The following MRPS27 variants were observed in gnomAD, a reference collection of about 807,000 sequenced individuals.
MRPS27 encodes the protein mitochondrial ribosomal protein S27.
MRPS27 carries 43 observed loss-of-function variants against 48.9 expected under a neutral mutation model. That is an observed-to-expected ratio of 0.88 (90% CI 0.69 to 1.13). The LOEUF is 1.13. Ranked by LOEUF, MRPS27 falls within the 50% of genes most tolerant of loss-of-function variation. The pLI, the probability that MRPS27 is intolerant of heterozygous loss-of-function variation, is 0.00. For missense variants in MRPS27, 467 were observed against 476.3 expected (o/e 0.98, Z 0.18); for synonymous variants, 188 against 171.9 (o/e 1.09, Z -0.73).
chr5:72,234,511 C>T (rs1748151285), intron 5 of MRPS27, among the ~76,000 whole-genome samples: 2 of 151,954 alleles, frequency 1.3e-5, no homozygotes, highest in Non-Finnish European at 2.9e-5. Context: ...AAGAAACCCA[C>T]ACAACCCCCC....
chr5:72,296,627 C>T (rs550531629), intron 3 of MRPS27, among the ~76,000 whole-genome samples: 46 of 152,168 alleles, frequency 3.0e-4, no homozygotes, highest in African/African-American at 1.1e-3. Flanking sequence ...ATGTAAGGGA[C>T]GAAAAATGGC....
intron 4 of MRPS27, among the ~76,000 whole-genome samples, chr5:72,274,157 C>G (rs1435891152): frequency 1.3e-5 from 2 of 152,092 alleles, no homozygotes; most frequent in Non-Finnish European, 2.9e-5. Flanking sequence ...AGTTCGAGAC[C>G]AGTCTGGTCA....
At chr5:72,230,649 T>C (rs921250538) in intron 7 of MRPS27, among the ~76,000 whole-genome samples, 10 of 152,162 alleles carry the variant, frequency 6.6e-5, no homozygotes, top group Non-Finnish European at 1.0e-4. Flanking sequence ...GTCTCCACAA[T>C]TGTATCTCCA....
At chr5:72,258,351 A>C (rs6453523) in intron 4 of MRPS27, among the ~76,000 whole-genome samples, 103,223 of 151,938 alleles carry the variant, frequency 0.68, 36,357 homozygotes, top group African/African-American at 0.87. Flanking sequence ...CAAAGAGAGA[A>C]AACAAATTTT....
intron 4 of MRPS27, among the ~76,000 whole-genome samples, chr5:72,258,895 G>A (rs568920529): frequency 6.6e-4 from 100 of 152,240 alleles, no homozygotes; most frequent in African/African-American, 2.3e-3. Flanking sequence ...AGTCTCCAGC[G>A]TAAACATCTC....
At chr5:72,252,752 T>C (rs1391949582) in intron 4 of MRPS27, among the ~76,000 whole-genome samples, 1 of 152,198 alleles carries the variant, frequency 6.6e-6, no homozygotes, top group African/African-American at 2.4e-5. Context: ...ATGAGAGGAA[T>C]GTAGAAATGA....
At chr5:72,314,730 CTT>C (rs1750524687) in intron 1 of MRPS27, 1 of 152,250 alleles carries the variant, frequency 6.6e-6, no homozygotes, top group Non-Finnish European at 1.5e-5. Flanking sequence ...GTTCCTATAA[CTT>C]TAAGACTAGG....
chr5:72,305,681 C>T (rs1176600771), intron 2 of MRPS27, among the ~76,000 whole-genome samples: 1 of 152,210 alleles, frequency 6.6e-6, no homozygotes, highest in East Asian at 1.9e-4. Flanking sequence ...GCTCAAGTCA[C>T]CTGAGTGCTC....
Position 72,238,069 on chromosome 5 carries a change from C to G in MRPS27, c.341G>C (p.Arg114Thr). 6.2e-7 allele frequency: 1 copy of G among 1,613,592 alleles called. No individual in the cohort carries two copies. The highest frequency in any genetic ancestry group is 8.5e-7 in the Non-Finnish European group (1 of 1,179,694). Residue 114 changes from arginine to threonine, a missense_variant, in exon 5 of 11, where the codon AGG becomes ACG. Transcript: ENST00000261413. ...TTGTGCATCATATTTTAGACACTGCCTAATCCAGGTGTGGATAGTCCAGTT... is the reference window on the plus strand; with the variant it reads ...TTGTGCATCATATTTTAGACACTGCGTAATCCAGGTGTGGATAGTCCAGTT... ...LRNWTIHTWIRQCLKYDAQDK... is the reference protein window; with the variant it reads ...LRNWTIHTWITQCLKYDAQDK...
At chr5:72,226,033 C>T (rs746016499) in intron 9 of MRPS27, 24 bp downstream of exon 9, 133 of 1,591,508 alleles carry the variant, frequency 8.4e-5, no homozygotes, top group Non-Finnish European at 1.1e-4. Flanking sequence ...CTAAATCTCA[C>T]TGCCTTAGAG....
At chr5:72,317,983 G>GC (rs1370443989) in intron 1 of MRPS27, among the ~76,000 whole-genome samples, 1 of 152,096 alleles carries the variant, frequency 6.6e-6, no homozygotes, top group Non-Finnish European at 1.5e-5. Context: ...ATTGTCTTGG[G>GC]CCACACATAC....
At chr5:72,319,224 T>C (rs763226537) in intron 1 of MRPS27, among the ~76,000 whole-genome samples, 13 of 152,248 alleles carry the variant, frequency 8.5e-5, no homozygotes, top group Admixed American at 4.6e-4. Flanking sequence ...TTTTTTCCAA[T>C]GTTTTCATTA....
intron 2 of MRPS27, among the ~76,000 whole-genome samples, chr5:72,297,967 T>C (rs1334800520): frequency 6.6e-6 from 1 of 152,180 alleles, no homozygotes; most frequent in African/African-American, 2.4e-5. Context: ...ACCTAGGAGA[T>C]GCTATTCTGG....
At chr5:72,313,950 G>C in intron 2 of MRPS27, 131 bp downstream of exon 2, 1 of 647,004 alleles carries the variant, frequency 1.5e-6, no homozygotes, top group Non-Finnish European at 2.6e-6. Flanking sequence ...AACTCTTTAA[G>C]ACTTAAAACA....
intron 8 of MRPS27, chr5:72,227,217 T>C (rs1171892891): frequency 6.6e-6 from 1 of 152,190 alleles, no homozygotes; most frequent in Non-Finnish European, 1.5e-5. Flanking sequence ...ACAAAGTACA[T>C]ATTCTTTGCC....
chr5:72,246,111 G>A lies in MRPS27; in HGVS notation c.282-7983C>T, dbSNP rs183500629. Among the ~76,000 whole-genome samples the A allele has an allele frequency of 1.7e-3, 257 of 152,282 alleles. 1 individual carries two copies. The highest frequency in any genetic ancestry group is 2.8e-3 in the Non-Finnish European group (190 of 68,014). On this transcript the variant is annotated intron_variant, in intron 4 of 10. Coordinates refer to ENST00000261413, the MANE Select transcript of MRPS27 (RefSeq NM_015084.3). The stretch of plus-strand genomic sequence containing the variant: ...TTTGCGTCTACAAACAAGTGAACAA[G>A]GACTCAAGTAGGTGCCTGATAATTT...
intron 1 of MRPS27, chr5:72,319,934 C>T: frequency 1.7e-6 from 1 of 602,256 alleles, no homozygotes; most frequent in Non-Finnish European, 3.0e-6. Context: ...ATATAACCTT[C>T]CACTGCTCTT....
chr5:72,316,841 C>T (rs1034190009), intron 1 of MRPS27, among the ~76,000 whole-genome samples: 1 of 151,422 alleles, frequency 6.6e-6, no homozygotes, highest in African/African-American at 2.4e-5. Flanking sequence ...GCGAGCCTGA[C>T]CAACATGGAG....
At chr5:72,287,500 G>A (rs998590983) in intron 4 of MRPS27, among the ~76,000 whole-genome samples, 3 of 152,096 alleles carry the variant, frequency 2.0e-5, no homozygotes, top group African/African-American at 4.8e-5. Flanking sequence ...TTAGCCAGGC[G>A]TGGTGGCAAC....
Sources: allele counts gnomAD v4.1 joint callset (sites outside exome capture counted in the v4.1 genomes callset), GRCh38; gene constraint gnomAD v4.1.1; transcripts MANE v1.5; gene names NCBI Gene and HGNC (gene_info 2026-07-23, HGNC 2026-07-21).